The following SLC26A9 variants were observed in gnomAD, a reference collection of about 807,000 sequenced individuals.
SLC26A9 encodes the protein anion transporter/exchanger protein 9.
Under a neutral mutation model 87.1 loss-of-function variants are expected in SLC26A9, and 46 were observed. The ratio of observed to expected loss-of-function variants is 0.53; its 90% confidence interval spans 0.42 to 0.67. The LOEUF is 0.67. SLC26A9 is among the 30% of genes least tolerant of loss of function. The pLI is 0.00. For synonymous variants in SLC26A9, 437 were observed against 409.1 expected, an observed-to-expected ratio of 1.07 and a Z score of -0.82; for missense variants, 927 against 1,018.3, an observed-to-expected ratio of 0.91 and a Z score of 1.22.
intron 6 of SLC26A9, 31 bp downstream of exon 6, chr1:205,929,861 T>A: frequency 6.4e-7 from 1 of 1,563,242 alleles, no homozygotes; most frequent in Non-Finnish European, 8.7e-7. Context: ...GGAGCCTTGC[T>A]CCAATGGCAG....
chr1:205,940,298 C>T (rs544677083), intron 1 of SLC26A9, among the ~76,000 whole-genome samples: 1 of 152,286 alleles, frequency 6.6e-6, no homozygotes, highest in Admixed American at 6.5e-5. Flanking sequence ...TTGAGATTCT[C>T]CAGGATTTCT....
intron 5 of SLC26A9, 82 bp from the exon 6 acceptor site, chr1:205,930,138 G>C (rs2102591665): frequency 6.9e-7 from 1 of 1,446,318 alleles, no homozygotes; most frequent in Non-Finnish European, 9.3e-7. Context: ...ACACACGCAG[G>C]TCTGGAGCTC....
At position 205,926,602 on chromosome 1, in the gene SLC26A9, T is replaced by A. The variant is rs1659077597; in HGVS notation, c.1322A>T (p.Asn441Ile). 2 of 1,613,920 alleles carry A rather than the reference T, an allele frequency of 1.2e-6. No individual in the cohort carries two copies. The highest frequency in any genetic ancestry group is 1.7e-5 in the Admixed American group (1 of 59,994). The change falls in exon 12 of 21, where the codon AAT (asparagine) becomes ATT (isoleucine). Residue 441 changes from asparagine (N) to isoleucine (I), a missense_variant. Physicochemically the swap from Asn to Ile is moderately radical, Grantham distance 149 (BLOSUM62 -3). Transcript: ENST00000367135. The stretch of plus-strand genomic sequence containing the variant: ...GAGTTGCTTGAGGGAGTTCTTGAGA[T>A]TGACAGCGATCAGGGCTCCTAGCAC... ...KSVLGALIAV[N>I]LKNSLKQLTD...
intron 5 of SLC26A9, 166 bp from the exon 6 acceptor site, chr1:205,930,222 C>G: frequency 3.2e-6 from 2 of 616,532 alleles, no homozygotes; most frequent in Non-Finnish European, 5.1e-6. Context: ...TCACTGTGCT[C>G]TACATGGCTG....
At chr1:205,922,127 C>T (rs1022197142) in intron 16 of SLC26A9, among the ~76,000 whole-genome samples, 15 of 152,306 alleles carry the variant, frequency 9.8e-5, no homozygotes, top group African/African-American at 3.1e-4. Context: ...GAAAGCCCCT[C>T]CGGGGACACT....
At chr1:205,937,599 G>T (rs989733621) in intron 1 of SLC26A9, among the ~76,000 whole-genome samples, 3 of 152,198 alleles carry the variant, frequency 2.0e-5, no homozygotes, top group Non-Finnish European at 1.5e-5. Flanking sequence ...CCCAGTAAAT[G>T]GTAGTGGCGA....
rs141197165 is a variant in SLC26A9 at position 205,927,184 on chromosome 1, A to T, written c.1293+27T>A. 3,503 of 1,612,794 alleles carry T rather than the reference A, an allele frequency of 2.2e-3. 37 individuals carry two copies. Among genetic ancestry groups the T allele is most frequent in the Middle Eastern group, 0.017 (105 of 6,054 alleles). On this transcript the variant is annotated intron_variant, in intron 11 of 20. Transcript: ENST00000367135. The stretch of plus-strand genomic sequence containing the variant: ...TTGTTCTTATTGGAGTCTTTCGTTG[A>T]CTTCTGCTCGATGGCTGGGCTCTTA...
At chr1:205,927,450 T>G (rs1359620096) in intron 10 of SLC26A9, 42 bp downstream of exon 10, 4 of 1,598,378 alleles carry the variant, frequency 2.5e-6, no homozygotes, top group Non-Finnish European at 3.4e-6. Context: ...GGGCAACTGT[T>G]CTCTTACCAC....
chr1:205,921,996 G>C, intron 16 of SLC26A9, 149 bp from the exon 17 acceptor site: 1 of 1,116,406 alleles, frequency 9.0e-7, no homozygotes, highest in South Asian at 1.6e-5. Flanking sequence ...CTCCACCAGA[G>C]AGGCCTCTCC....
At chr1:205,926,656 G>A in intron 11 of SLC26A9, 26 bp from the exon 12 acceptor site, 2 of 1,601,084 alleles carry the variant, frequency 1.2e-6, no homozygotes, top group Non-Finnish European at 8.6e-7. Flanking sequence ...ATTGCTCCAG[G>A]ACCCCAGGGT....
In SLC26A9 at chr1:205,915,195, G is replaced by A. The variant is rs1478041937; in HGVS notation, c.*162C>T. The A allele has an allele frequency of 3.7e-6, 6 of 1,610,440 alleles. No individual in the cohort carries two copies. The highest frequency in any genetic ancestry group is 1.1e-5 in the South Asian group (1 of 90,730). ...CTGAGAGGCTCTCTCTGGAGATGCG[G>A]GGAGGGAAGGAAGGGAGGAGAGAGG... On this transcript the variant is annotated 3_prime_UTR_variant, in exon 21 of 21. Transcript: ENST00000367135.
chr1:205,918,744 A>G, intron 19 of SLC26A9, 96 bp downstream of exon 19: 1 of 1,457,214 alleles, frequency 6.9e-7, no homozygotes, highest in Non-Finnish European at 9.2e-7. Flanking sequence ...TGATATTGGA[A>G]CTTAAACCTT....
rs368329363 is a variant in SLC26A9 at position 205,927,196 on chromosome 1, T to C, written c.1293+15A>G. The C allele has an allele frequency of 1.7e-5, 28 of 1,613,888 alleles. No homozygotes were observed. Among genetic ancestry groups the C allele is most frequent in the African/African-American group, 2.7e-5 (2 of 74,924 alleles). Reference sequence around the variant, plus strand: ...GAGTCTTTCGTTGACTTCTGCTCGATGGCTGGGCTCTTACCTTAGGGAGAG... The same window carrying C: ...GAGTCTTTCGTTGACTTCTGCTCGACGGCTGGGCTCTTACCTTAGGGAGAG... On this transcript the variant is annotated intron_variant, in intron 11 of 20. Transcript: ENST00000367135.
chr1:205,938,336 C>T (rs946541790), intron 1 of SLC26A9, among the ~76,000 whole-genome samples: 1 of 152,084 alleles, frequency 6.6e-6, no homozygotes, highest in Non-Finnish European at 1.5e-5. Flanking sequence ...CACCCTGTCC[C>T]ATTGCCTCCC....
chr1:205,938,801 C>T (rs1659621744), intron 1 of SLC26A9, among the ~76,000 whole-genome samples: 1 of 152,188 alleles, frequency 6.6e-6, no homozygotes, highest in Non-Finnish European at 1.5e-5. Flanking sequence ...CTCTTTCTCC[C>T]AGGATCTCCA....
rs144796374 is a variant in SLC26A9 at position 205,921,659 on chromosome 1, G to C, written c.1962C>G (p.Ala654=). Residue 654 remains alanine, a synonymous_variant, in exon 17 of 21, where the codon GCC becomes GCG. Transcript: ENST00000367135. The part of the protein sequence containing the change: ...EAPGEPSDML[A]SVPPFVTFHT... ...GGAAGGTGACGAAGGGTGGGACGCT[G>C]GCCAGCATGTCACTGGGCTCGCCGG... The C allele has an allele frequency of 1.2e-6, 2 of 1,605,404 alleles. No individual in the cohort carries two copies. The highest frequency in any genetic ancestry group is 1.7e-6 in the Non-Finnish European group (2 of 1,176,008).
chr1:205,930,026 C>G lies in SLC26A9; in HGVS notation c.583G>C (p.Val195Leu). The change falls in exon 6 of 21, where the codon GTG becomes CTG. Residue 195 changes from valine (V) to leucine (L), a missense_variant. Transcript: ENST00000367135. Reference sequence around the variant, plus strand: ...AAGGACTCGGAGAGGTAGATGGCCACAAAGCCAAACTGCATGAAGCCCAGA... The same window carrying G: ...AAGGACTCGGAGAGGTAGATGGCCAGAAAGCCAAACTGCATGAAGCCCAGA... ...MGLGFMQFGF[V>L]AIYLSESFIR... The G allele has an allele frequency of 6.2e-7, 1 of 1,612,408 alleles. No individual in the cohort carries two copies. The highest frequency in any genetic ancestry group is 8.5e-7 in the Non-Finnish European group (1 of 1,178,558).
chr1:205,934,329 C>T (rs921751607), intron 2 of SLC26A9, among the ~76,000 whole-genome samples: 2 of 152,198 alleles, frequency 1.3e-5, no homozygotes, highest in Admixed American at 1.3e-4. Flanking sequence ...CTTAATGCAA[C>T]TCTAAAGCCT....
Position 205,915,176 on chromosome 1 carries a change from G to A in SLC26A9, c.*181C>T. On this transcript the variant is annotated 3_prime_UTR_variant, in exon 21 of 21. Transcript: ENST00000367135. ...GGGTAGCACCCCCCTGCTGCTGAGA[G>A]GCTCTCTCTGGAGATGCGGGGAGGG... is the stretch of plus-strand genomic sequence containing the variant. The A allele has an allele frequency of 6.2e-7, 1 of 1,611,988 alleles. No homozygotes were observed. Among genetic ancestry groups the A allele is most frequent in the Non-Finnish European group, 8.5e-7 (1 of 1,178,506 alleles).
Sources: allele counts gnomAD v4.1 joint callset (sites outside exome capture counted in the v4.1 genomes callset), GRCh38; gene constraint gnomAD v4.1.1; transcripts MANE v1.5; gene names NCBI Gene and HGNC (gene_info 2026-07-23, HGNC 2026-07-21).